The following CNTN4 variants were observed in gnomAD, a reference collection of about 807,000 sequenced individuals.
The protein encoded by CNTN4 is contactin 4.
Under a neutral mutation model 122.5 loss-of-function variants are expected in CNTN4, and 77 were observed. That is an observed-to-expected ratio of 0.63 (90% CI 0.52 to 0.76). The LOEUF (loss-of-function observed/expected upper bound fraction) is 0.76, where lower values mean the gene tolerates loss of function less well. CNTN4 is among the 30% of genes least tolerant of loss of function. CNTN4 has a pLI of 0.00. For missense variants in CNTN4, 1,256 were observed against 1,259.1 expected (o/e 1.00, Z 0.04); for synonymous variants, 512 against 447.0 (o/e 1.15, Z -1.83).
At chr3:2,960,570 A>G (rs770649926) in intron 13 of CNTN4, among the ~76,000 whole-genome samples, 2 of 152,230 alleles carry the variant, frequency 1.3e-5, no homozygotes, top group African/African-American at 2.4e-5. Context: ...AGTTAGTATT[A>G]TTAGTGTTTT....
intron 15 of CNTN4, among the ~76,000 whole-genome samples, chr3:3,029,027 C>G (rs1357849036): frequency 6.6e-6 from 1 of 151,130 alleles, no homozygotes; most frequent in Non-Finnish European, 1.5e-5. Context: ...GAGTCCAATC[C>G]CCTGTGTCTA....
chr3:2,553,384 G>A (rs899637547), intron 3 of CNTN4, among the ~76,000 whole-genome samples: 1 of 152,092 alleles, frequency 6.6e-6, no homozygotes, highest in Non-Finnish European at 1.5e-5. Context: ...ACATATAGTG[G>A]AATTCATTTA....
intron 2 of CNTN4, among the ~76,000 whole-genome samples, chr3:2,127,098 T>C: frequency 6.6e-6 from 1 of 152,216 alleles, no homozygotes; most frequent in East Asian, 1.9e-4. Context: ...TCTCAATGAA[T>C]TGCTAGCTCT....
intron 4 of CNTN4, among the ~76,000 whole-genome samples, chr3:2,636,884 G>T (rs1306555283): frequency 1.1e-4 from 16 of 146,664 alleles, no homozygotes; most frequent in African/African-American, 3.8e-4. Context: ...TAATTATAGT[G>T]CATAGTTTCC....
intron 3 of CNTN4, among the ~76,000 whole-genome samples, chr3:2,436,466 T>A (rs1358342936): frequency 6.6e-6 from 1 of 152,084 alleles, no homozygotes; most frequent in Admixed American, 6.6e-5. Flanking sequence ...ATAATTGCCA[T>A]TTAGTAGGCA....
intron 6 of CNTN4, among the ~76,000 whole-genome samples, chr3:2,764,040 C>CA (rs966348342): frequency 2.7e-5 from 4 of 150,506 alleles, no homozygotes; most frequent in African/African-American, 7.3e-5. Flanking sequence ...TGGAGGGATA[C>CA]AAAAAAAAGA....
chr3:2,753,218 G>A (rs2149621469), intron 6 of CNTN4, among the ~76,000 whole-genome samples: 1 of 152,268 alleles, frequency 6.6e-6, no homozygotes, highest in East Asian at 1.9e-4. Flanking sequence ...CCTGGAGTCA[G>A]ACTCCTTGGA....
At chr3:2,619,233 C>A (rs1430465423) in intron 4 of CNTN4, among the ~76,000 whole-genome samples, 1 of 152,172 alleles carries the variant, frequency 6.6e-6, no homozygotes, top group East Asian at 1.9e-4. Flanking sequence ...GAGAAAATAT[C>A]ATGATTCCCA....
chr3:2,907,388 C>T (rs372808908), intron 12 of CNTN4, among the ~76,000 whole-genome samples: 4 of 152,072 alleles, frequency 2.6e-5, no homozygotes, highest in East Asian at 3.9e-4. Context: ...GCCTGGCCAC[C>T]ATGGCAAAAC....
At chr3:3,055,850 T>C (rs1377619392) in intron 24 of CNTN4, among the ~76,000 whole-genome samples, 1 of 152,224 alleles carries the variant, frequency 6.6e-6, no homozygotes, top group Non-Finnish European at 1.5e-5. Context: ...TTATCAGTAT[T>C]GTTACTAGTA....
At chr3:2,736,611 G>A (rs1386622192) in intron 5 of CNTN4, among the ~76,000 whole-genome samples, 2 of 150,936 alleles carry the variant, frequency 1.3e-5, no homozygotes, top group East Asian at 3.9e-4. Flanking sequence ...TTACAGGCAT[G>A]CACCACCACG....
rs867189497 is a variant in CNTN4 at position 2,293,477 on chromosome 3, A to G, written c.-144-45701A>G. ...TGTTCAAATCCTGGCTTTACCACTT[A>G]CTAACTAATGACTTTAGGCAAGTTA... On this transcript the variant is annotated intron_variant, in intron 2 of 24. Coordinates refer to ENST00000418658, the MANE Select transcript of CNTN4 (RefSeq NM_175607.3). Among the ~76,000 whole-genome samples, 21 of 152,320 alleles carry G rather than the reference A, an allele frequency of 1.4e-4. No homozygotes were observed. In the South Asian group the frequency reaches 3.7e-3, roughly 27 times the overall value.
chr3:3,056,267 A>G lies in CNTN4; in HGVS notation c.*47A>G, dbSNP rs1409747131. The stretch of plus-strand genomic sequence containing the variant: ...GCTGTTTATAATATAAGCAACATTT[A>G]GCTAGTTGTTTTGAAGACACCCAGT... On this transcript the variant is annotated 3_prime_UTR_variant, in exon 25 of 25. Coordinates refer to ENST00000418658, the MANE Select transcript of CNTN4 (RefSeq NM_175607.3). The G allele has an allele frequency of 1.4e-6, 2 of 1,398,648 alleles. No individual in the cohort carries two copies. Among genetic ancestry groups the G allele is most frequent in the East Asian group, 2.3e-5 (1 of 43,860 alleles). 86.6% of individuals were successfully genotyped at this position (1,398,648 alleles called of 1,614,324 possible).
intron 3 of CNTN4, among the ~76,000 whole-genome samples, chr3:2,384,340 G>A (rs970906414): frequency 3.9e-5 from 6 of 152,108 alleles, no homozygotes; most frequent in African/African-American, 9.7e-5. Context: ...TAGTCTAGCC[G>A]TGGCATGCTT....
intron 2 of CNTN4, among the ~76,000 whole-genome samples, chr3:2,260,097 C>T (rs1008153811): frequency 4.6e-5 from 7 of 152,076 alleles, no homozygotes; most frequent in Admixed American, 1.3e-4. Context: ...TTAGAGAGCA[C>T]GTAGGCACCA....
intron 23 of CNTN4, among the ~76,000 whole-genome samples, chr3:3,049,192 C>T (rs1700995842): frequency 6.6e-6 from 1 of 152,202 alleles, no homozygotes; most frequent in African/African-American, 2.4e-5. Flanking sequence ...AAGCAGTTCT[C>T]CTGCCTCAGC....
At chr3:2,213,603 C>T (rs1331647827) in intron 2 of CNTN4, among the ~76,000 whole-genome samples, 3 of 152,116 alleles carry the variant, frequency 2.0e-5, no homozygotes, top group Non-Finnish European at 4.4e-5. Context: ...GTAGCATATG[C>T]AGAGTGCAGG....
In CNTN4 at chr3:3,042,425, A is replaced by G; in HGVS notation, c.2511+3A>G. On this transcript the variant is annotated splice_donor_region_variant and intron_variant, in intron 21 of 24. Coordinates refer to ENST00000418658, the MANE Select transcript of CNTN4 (RefSeq NM_175607.3). ...GAGGACGAATACAAGGTTATGAGGT[A>G]GGCAAGACATATGTGCCTTGGGTCT... 6.3e-7 allele frequency: 1 copy of G among 1,582,088 alleles called. No individual in the cohort carries two copies. The highest frequency in any genetic ancestry group is 8.7e-7 in the Non-Finnish European group (1 of 1,150,706).
intron 13 of CNTN4, chr3:2,927,266 A>G (rs185262071): frequency 5.1e-5 from 23 of 455,046 alleles, no homozygotes; most frequent in Admixed American, 9.4e-5. Flanking sequence ...CTGGCTTATA[A>G]CAACAAAAGG....
Sources: gnomAD v4.1 joint callset for allele counts (sites outside exome capture counted in the v4.1 genomes callset) on GRCh38, gnomAD v4.1.1 for gene constraint, MANE v1.5 for transcripts, NCBI Gene and HGNC (gene_info 2026-07-23, HGNC 2026-07-21) for gene names.